Variants in MMP26 observed in about 807,000 individuals in gnomAD.
The protein encoded by MMP26 is matrix metallopeptidase 26.
Under a neutral mutation model 31.0 loss-of-function variants are expected in MMP26, and 33 were observed. The ratio of observed to expected loss-of-function variants is 1.06; its 90% confidence interval spans 0.81 to 1.42. The LOEUF (loss-of-function observed/expected upper bound fraction) is 1.42. Ranked by LOEUF, MMP26 falls within the 40% of genes most tolerant of loss-of-function variation. MMP26 has a pLI of 0.00. For missense variants in MMP26, 347 were observed against 316.1 expected (o/e 1.10, Z -0.74); for synonymous variants, 122 against 114.9 (o/e 1.06, Z -0.40).
At chr11:4,755,650 T>C (rs998926070) in intron 1 of MMP26, among the ~76,000 whole-genome samples, 5 of 152,022 alleles carry the variant, frequency 3.3e-5, no homozygotes, top group African/African-American at 1.2e-4. Context: ...AGGTTTACAA[T>C]TTCCCCTCCG....
chr11:4,721,890 G>T (rs1848017816), intron 1 of MMP26, among the ~76,000 whole-genome samples: 1 of 152,144 alleles, frequency 6.6e-6, no homozygotes, highest in Non-Finnish European at 1.5e-5. Flanking sequence ...TTGGCCCCTG[G>T]AATCATAATG....
chr11:4,754,441 G>C (rs1282451459), intron 1 of MMP26, among the ~76,000 whole-genome samples: 24 of 151,938 alleles, frequency 1.6e-4, no homozygotes, highest in Admixed American at 1.4e-3. Flanking sequence ...TTAGATTACT[G>C]AAACTTATTT....
chr11:4,785,177 G>A (rs1041653180), intron 2 of MMP26, among the ~76,000 whole-genome samples: 3 of 152,166 alleles, frequency 2.0e-5, no homozygotes, highest in African/African-American at 7.2e-5. Flanking sequence ...GACTGTCACT[G>A]AAAGTCTCAC....
At chr11:4,904,444 C>A (rs1167513343) in intron 2 of MMP26, among the ~76,000 whole-genome samples, 1 of 152,124 alleles carries the variant, frequency 6.6e-6, no homozygotes, top group Non-Finnish European at 1.5e-5. Context: ...TATTCCACCT[C>A]TCTGTATATT....
chr11:4,869,532 C>T (rs931040806), intron 2 of MMP26, among the ~76,000 whole-genome samples: 1 of 152,134 alleles, frequency 6.6e-6, no homozygotes, highest in Admixed American at 6.5e-5. Flanking sequence ...CATCTCACAC[C>T]AGTTAGAATG....
chr11:4,802,204 A>C (rs1433901), intron 2 of MMP26, among the ~76,000 whole-genome samples: 18,973 of 152,168 alleles, frequency 0.12, 2,321 homozygotes, highest in African/African-American at 0.31. Flanking sequence ...CTGGAATTGC[A>C]GGTATTCATT....
At chr11:4,876,609 C>T (rs1054852676) in intron 2 of MMP26, 3 of 152,286 alleles carry the variant, frequency 2.0e-5, no homozygotes, top group African/African-American at 4.8e-5. Context: ...TTCACCCTGA[C>T]TGGGATTCCA....
chr11:4,907,411 G>A, intron 2 of MMP26: 1 of 1,613,754 alleles, frequency 6.2e-7, no homozygotes, highest in Non-Finnish European at 8.5e-7. Flanking sequence ...TTTTCCTTCT[G>A]ATTGGGATCC....
At chr11:4,706,300 C>T (rs1182576045) in intron 1 of MMP26, among the ~76,000 whole-genome samples, 1 of 151,928 alleles carries the variant, frequency 6.6e-6, no homozygotes, top group Admixed American at 6.6e-5. Flanking sequence ...TAAAATCACA[C>T]TTGTAATCCC....
chr11:4,853,709 A>G (rs1342557164), intron 2 of MMP26, among the ~76,000 whole-genome samples: 2 of 152,222 alleles, frequency 1.3e-5, no homozygotes, highest in Non-Finnish European at 2.9e-5. Context: ...ATTAGATCAC[A>G]TATTAAAAGA....
intron 2 of MMP26, among the ~76,000 whole-genome samples, chr11:4,921,461 C>T (rs1851183589): frequency 6.6e-6 from 1 of 152,144 alleles, no homozygotes; most frequent in South Asian, 2.1e-4. Context: ...ATGCACTGGC[C>T]AAAGGCTGAT....
intron 2 of MMP26, among the ~76,000 whole-genome samples, chr11:4,861,210 T>A (rs2133513764): frequency 6.7e-6 from 1 of 150,062 alleles, no homozygotes; most frequent in East Asian, 1.9e-4. Context: ...ATACATACAG[T>A]TTCCAAGTAT....
At chr11:4,824,266 A>G (rs11034088) in intron 2 of MMP26, among the ~76,000 whole-genome samples, 13,307 of 152,156 alleles carry the variant, frequency 0.087, 965 homozygotes, top group African/African-American at 0.2. Context: ...TTGCAAATGT[A>G]TGCTGGGTAC....
chr11:4,737,338 C>G (rs1454546859), intron 1 of MMP26, among the ~76,000 whole-genome samples: 1 of 152,122 alleles, frequency 6.6e-6, no homozygotes, highest in African/African-American at 2.4e-5. Flanking sequence ...AGAATAGCAC[C>G]TCTTTTTTTC....
At chr11:4,769,961 C>A in intron 2 of MMP26, 1 of 951,806 alleles carries the variant, frequency 1.1e-6, no homozygotes, top group Non-Finnish European at 1.7e-6. Flanking sequence ...TGCTTCCATC[C>A]TATAGAAGTG....
chr11:4,970,125 A>C, intron 2 of MMP26, among the ~76,000 whole-genome samples: 1 of 152,238 alleles, frequency 6.6e-6, no homozygotes, highest in East Asian at 1.9e-4. Flanking sequence ...GCTATGAGTT[A>C]GTAAAGCATA....
intron 1 of MMP26, among the ~76,000 whole-genome samples, chr11:4,724,918 C>T (rs948823756): frequency 1.3e-5 from 2 of 152,212 alleles, no homozygotes; most frequent in Admixed American, 6.5e-5. Context: ...GTGTTCCTGC[C>T]TAAATCTCAC....
At chr11:4,989,113 AT>A (rs780615412) in intron 3 of MMP26, among the ~76,000 whole-genome samples, 198 of 152,294 alleles carry the variant, frequency 1.3e-3, no homozygotes, top group Admixed American at 2.1e-3. Context: ...CTTTTTTTGT[AT>A]TTAGAAGTTT....
At chr11:4,831,468 A>C (rs1205823043) in intron 2 of MMP26, among the ~76,000 whole-genome samples, 2 of 152,324 alleles carry the variant, frequency 1.3e-5, no homozygotes, top group Non-Finnish European at 2.9e-5. Context: ...TACAATGTGT[A>C]TAATTTTCAG....
Sources: allele counts gnomAD v4.1 joint callset (sites outside exome capture counted in the v4.1 genomes callset), GRCh38; gene constraint gnomAD v4.1.1; transcripts MANE v1.5; gene names NCBI Gene and HGNC (gene_info 2026-07-23, HGNC 2026-07-21).